PTPRG: variants seen among roughly 807,000 people sequenced by gnomAD.
The protein encoded by PTPRG is receptor-type tyrosine-protein phosphatase gamma.
Under a neutral mutation model 165.3 loss-of-function variants are expected in PTPRG, and 102 were observed. The observed-to-expected ratio is 0.62, with a 90% CI of 0.53 to 0.73. The LOEUF is 0.73. PTPRG is among the 30% of genes least tolerant of loss of function. The pLI is 0.00. For synonymous variants in PTPRG, 675 were observed against 669.5 expected, an observed-to-expected ratio of 1.01 and a Z score of -0.13; for missense variants, 1,866 against 1,861.4, an observed-to-expected ratio of 1.00 and a Z score of -0.05.
intron 1 of PTPRG, among the ~76,000 whole-genome samples, chr3:61,657,504 A>G (rs1383015318): frequency 2.0e-5 from 3 of 152,142 alleles, no homozygotes; most frequent in Admixed American, 6.6e-5. Context: ...GCTGGGCATG[A>G]TGGTGAGCTC....
chr3:62,256,224 A>G (rs1701532055), intron 16 of PTPRG, among the ~76,000 whole-genome samples: 1 of 152,226 alleles, frequency 6.6e-6, no homozygotes, highest in Non-Finnish European at 1.5e-5. Flanking sequence ...AAGATCATCT[A>G]GGAGTCATAC....
chr3:61,659,295 C>A (rs537267558), intron 1 of PTPRG: 85 of 984,974 alleles, frequency 8.6e-5, no homozygotes, highest in Non-Finnish European at 9.4e-5. Context: ...TCGACAAAGG[C>A]ACTGATGGTG....
chr3:62,057,614 A>G (rs1700675138), intron 4 of PTPRG, among the ~76,000 whole-genome samples: 1 of 152,246 alleles, frequency 6.6e-6, no homozygotes, highest in Non-Finnish European at 1.5e-5. Flanking sequence ...ATGCCAGCTA[A>G]CAAAAATAAC....
At chr3:62,125,166 A>G (rs1005352015) in intron 5 of PTPRG, among the ~76,000 whole-genome samples, 2 of 152,202 alleles carry the variant, frequency 1.3e-5, no homozygotes, top group African/African-American at 2.4e-5. Context: ...TTAACATTCT[A>G]CATATGATAC....
chr3:61,689,445 T>A (rs748024739), intron 1 of PTPRG, among the ~76,000 whole-genome samples: 8 of 152,212 alleles, frequency 5.3e-5, no homozygotes, highest in Non-Finnish European at 1.0e-4. Flanking sequence ...GAATTTCACT[T>A]TGGAGGGAAC....
intron 4 of PTPRG, among the ~76,000 whole-genome samples, chr3:62,020,345 G>A (rs1294885701): frequency 6.6e-6 from 1 of 152,040 alleles, no homozygotes; most frequent in Non-Finnish European, 1.5e-5. Flanking sequence ...AGAACAATGA[G>A]TCTCATTTAA....
chr3:62,160,639 G>A (rs540155653), intron 7 of PTPRG, among the ~76,000 whole-genome samples: 5 of 152,326 alleles, frequency 3.3e-5, no homozygotes, highest in African/African-American at 1.2e-4. Flanking sequence ...AGTTAACTAG[G>A]ATTTGTTTTC....
At chr3:61,998,324 G>A (rs1319881553) in intron 3 of PTPRG, among the ~76,000 whole-genome samples, 1 of 152,186 alleles carries the variant, frequency 6.6e-6, no homozygotes, top group African/African-American at 2.4e-5. Flanking sequence ...GGTGAAATCT[G>A]TGGATCCTTC....
intron 1 of PTPRG, 108 bp downstream of exon 1, chr3:61,562,480 G>C: frequency 9.8e-7 from 1 of 1,015,974 alleles, no homozygotes; most frequent in Non-Finnish European, 1.5e-6. Flanking sequence ...ACCCTGGAGA[G>C]GGTGGAGGGT....
intron 2 of PTPRG, among the ~76,000 whole-genome samples, chr3:61,774,282 C>T (rs1350480719): frequency 2.0e-5 from 3 of 152,156 alleles, no homozygotes; most frequent in Non-Finnish European, 2.9e-5. Context: ...GCCAGCACAC[C>T]GGGAATGTGT....
chr3:62,191,659 A>G lies in PTPRG; in HGVS notation c.1218+6A>G. 6.2e-7 allele frequency: 1 copy of G among 1,613,194 alleles called. No homozygotes were observed. On this transcript the variant is annotated splice_donor_region_variant and intron_variant, in intron 9 of 29. Transcript: ENST00000474889. ...AGGACAGCGACAAAGACTTGGTATG[A>G]AGCCCCTCCTCTGATTCAGGGTACA...
chr3:62,219,656 A>G lies in PTPRG; in HGVS notation c.2288+673A>G, dbSNP rs1700602840. On this transcript the variant is annotated intron_variant, in intron 13 of 29. Transcript: ENST00000474889. The surrounding 1 kb of genome is among the most constrained non-coding windows in gnomAD (Gnocchi z 4.5). ...TTTGGCCTGGGTGCCCTCACCTCTCAGACTAACGTAGGAGGCTTCTGCCCT... is the reference window on the plus strand; with the variant it reads ...TTTGGCCTGGGTGCCCTCACCTCTCGGACTAACGTAGGAGGCTTCTGCCCT... Among the ~76,000 whole-genome samples, 1 of 152,152 alleles carries G rather than the reference A, an allele frequency of 6.6e-6. No individual in the cohort carries two copies.
intron 1 of PTPRG, among the ~76,000 whole-genome samples, chr3:61,661,932 T>TA (rs1660865063): frequency 6.6e-6 from 1 of 152,244 alleles, no homozygotes; most frequent in Non-Finnish European, 1.5e-5. Context: ...GCACCAGGCT[T>TA]AATGCCTCAT....
At chr3:62,064,907 A>G (rs1279785722) in intron 4 of PTPRG, among the ~76,000 whole-genome samples, 3 of 151,554 alleles carry the variant, frequency 2.0e-5, no homozygotes, top group Non-Finnish European at 4.4e-5. Flanking sequence ...AATTTTTTGT[A>G]TTTTTTAGTA....
intron 6 of PTPRG, among the ~76,000 whole-genome samples, chr3:62,149,294 G>C (rs1435034502): frequency 1.5e-5 from 2 of 137,146 alleles, no homozygotes; most frequent in East Asian, 4.4e-4. Context: ...TTTCCCTCAA[G>C]GCAAGAGTCT....
intron 17 of PTPRG, among the ~76,000 whole-genome samples, chr3:62,265,615 C>T (rs1047593265): frequency 6.6e-6 from 1 of 151,914 alleles, no homozygotes; most frequent in African/African-American, 2.4e-5. Context: ...ATTGTTTGTT[C>T]TACTTTTCTG....
intron 2 of PTPRG, among the ~76,000 whole-genome samples, chr3:61,976,709 G>T (rs1290103152): frequency 6.6e-6 from 1 of 151,948 alleles, no homozygotes; most frequent in Non-Finnish European, 1.5e-5. Flanking sequence ...GAGTCTCGGT[G>T]TCTTGCCCAG....
intron 4 of PTPRG, among the ~76,000 whole-genome samples, chr3:62,027,307 G>A (rs997187326): frequency 1.8e-4 from 28 of 152,214 alleles, no homozygotes; most frequent in African/African-American, 6.5e-4. Flanking sequence ...ACCCAATGCC[G>A]TGTCTCCAGA....
intron 1 of PTPRG, among the ~76,000 whole-genome samples, chr3:61,741,946 T>C (rs1382387227): frequency 6.6e-6 from 1 of 152,226 alleles, no homozygotes; most frequent in African/African-American, 2.4e-5. Flanking sequence ...ATATTCCCTA[T>C]GGATATATTA....
Sources: gnomAD v4.1 joint callset for allele counts (sites outside exome capture counted in the v4.1 genomes callset) on GRCh38, gnomAD v4.1.1 for gene constraint, Gnocchi (gnomAD v3.1) non-coding constraint, MANE v1.5 for transcripts, NCBI Gene and HGNC (gene_info 2026-07-23, HGNC 2026-07-21) for gene names.